The following DNAH6 variants were observed in gnomAD, a reference collection of about 807,000 sequenced individuals.
The protein encoded by DNAH6 is axonemal beta dynein heavy chain 6.
In DNAH6, 340 loss-of-function variants were observed where a neutral mutation model predicts 491.4. The observed-to-expected ratio is 0.69, with a 90% CI of 0.63 to 0.76. The LOEUF (loss-of-function observed/expected upper bound fraction) is 0.76, where lower values mean the gene tolerates loss of function less well. Ranked by LOEUF, DNAH6 falls within the 30% of genes least tolerant of loss-of-function variation. The pLI is 0.00. For missense variants in DNAH6, 4,443 were observed against 4,972.2 expected (o/e 0.89, Z 3.20); for synonymous variants, 1,603 against 1,686.1 (o/e 0.95, Z 1.21).
At position 84,733,327 on chromosome 2, in the gene DNAH6, C is replaced by A. The variant is rs1699267518; in HGVS notation, c.10207-117C>A. 6.0e-6 allele frequency: 5 copies of A among 833,106 alleles called. No individual in the cohort carries two copies. In the South Asian group the frequency reaches 9.2e-5, roughly 15 times the overall value. The allele number at this position is 833,106 out of a possible 1,614,324, so 51.6% of individuals were successfully genotyped here. On this transcript the variant is annotated intron_variant, in intron 61 of 76. Coordinates refer to ENST00000389394, the MANE Select transcript of DNAH6 (RefSeq NM_001370.2). ...TATTTCACCATATTGTACTACTTGTCCTAGGAAAATGGTTATTTTAACATA... is the reference window on the plus strand; with the variant it reads ...TATTTCACCATATTGTACTACTTGTACTAGGAAAATGGTTATTTTAACATA...
intron 60 of DNAH6, among the ~76,000 whole-genome samples, chr2:84,725,297 A>G (rs1698523889): frequency 6.6e-6 from 1 of 152,160 alleles, no homozygotes; most frequent in South Asian, 2.1e-4. Context: ...AACAGTTTCT[A>G]TTTCCAGGAA....
chr2:84,656,034 A>G (rs773077166), intron 35 of DNAH6, among the ~76,000 whole-genome samples: 7 of 152,226 alleles, frequency 4.6e-5, no homozygotes, highest in Middle Eastern at 3.4e-3. Context: ...CTAGAATGTT[A>G]TACAGTTGAA....
At chr2:84,794,206 C>T (rs1036156615) in intron 68 of DNAH6, among the ~76,000 whole-genome samples, 25 of 152,170 alleles carry the variant, frequency 1.6e-4, no homozygotes, top group African/African-American at 5.1e-4. Context: ...AAACGTTAGA[C>T]CTAAAACCAT....
chr2:84,481,526 C>A, the DNAH6 span, among the ~76,000 whole-genome samples: 235 of 152,324 alleles, frequency 1.5e-3, no homozygotes, highest in Non-Finnish European at 2.5e-3. Context: ...ATCTCTGCTT[C>A]AGCAGAGATC....
intron 64 of DNAH6, among the ~76,000 whole-genome samples, chr2:84,765,520 C>T (rs999457341): frequency 3.3e-5 from 5 of 151,934 alleles, no homozygotes; most frequent in African/African-American, 1.2e-4. Context: ...TCACTATATT[C>T]GCTTAGGAAA....
At chr2:84,629,274 G>A (rs921633741) in intron 29 of DNAH6, among the ~76,000 whole-genome samples, 4 of 152,190 alleles carry the variant, frequency 2.6e-5, no homozygotes, top group East Asian at 1.9e-4. Flanking sequence ...TATTTGGCTT[G>A]GAATATAGGA....
the DNAH6 span, among the ~76,000 whole-genome samples, chr2:84,463,073 G>C: frequency 6.6e-6 from 1 of 152,154 alleles, no homozygotes; most frequent in Non-Finnish European, 1.5e-5. Flanking sequence ...GCAGGGGAGT[G>C]GGGGAGGAGT....
chr2:84,669,429 A>G lies in DNAH6; in HGVS notation c.6225A>G (p.Thr2075=), dbSNP rs1421454457. ...AAATGCTTGTCCCCACAACTGACAC[A>G]GTGCGCTATGGGTATCTAATGGAAA... ...FFEMLVPTTD[T]VRYGYLMEKL... is the part of the protein sequence containing the mutation. The change falls in exon 38 of 77, where the codon ACA becomes ACG. Residue 2075 remains threonine (T), a synonymous_variant. Coordinates refer to ENST00000389394, the MANE Select transcript of DNAH6 (RefSeq NM_001370.2). The G allele has an allele frequency of 6.4e-7, 1 of 1,552,108 alleles. No homozygotes were observed. Among genetic ancestry groups the G allele is most frequent in the Admixed American group, 2.0e-5 (1 of 51,006 alleles).
chr2:84,693,829 G>T (rs1418199528), intron 45 of DNAH6, among the ~76,000 whole-genome samples: 3 of 151,690 alleles, frequency 2.0e-5, no homozygotes, highest in Non-Finnish European at 4.4e-5. Flanking sequence ...GTGTTCTGTT[G>T]GTCTCTCCTT....
intron 22 of DNAH6, among the ~76,000 whole-genome samples, chr2:84,615,127 G>T (rs10205087): frequency 0.14 from 20,965 of 152,070 alleles, 2,238 homozygotes; most frequent in African/African-American, 0.3. Flanking sequence ...CCAATGTCAA[G>T]AGGTGTTTTT....
At chr2:84,751,058 G>A (rs1190503061) in intron 63 of DNAH6, 1 of 152,232 alleles carries the variant, frequency 6.6e-6, no homozygotes, top group Non-Finnish European at 1.5e-5. Flanking sequence ...AAGTATGACA[G>A]TGTTGTCCCA....
At chr2:84,489,519 C>G in the DNAH6 span, among the ~76,000 whole-genome samples, 1 of 152,176 alleles carries the variant, frequency 6.6e-6, no homozygotes, top group East Asian at 1.9e-4. Flanking sequence ...TCCAAAGGCC[C>G]CAAGCGATAT....
the DNAH6 span, among the ~76,000 whole-genome samples, chr2:84,476,423 GA>G: frequency 6.6e-6 from 1 of 152,212 alleles, no homozygotes; most frequent in Non-Finnish European, 1.5e-5. Flanking sequence ...CCATTAAGGG[GA>G]GAGAAAGGAG....
intron 37 of DNAH6, among the ~76,000 whole-genome samples, chr2:84,664,447 A>G (rs1302359071): frequency 6.6e-6 from 1 of 152,204 alleles, no homozygotes; most frequent in Non-Finnish European, 1.5e-5. Context: ...AGGGGTTGCA[A>G]TCTTAGTCTC....
At chr2:84,532,282 T>A (rs966147959) in intron 4 of DNAH6, among the ~76,000 whole-genome samples, 1 of 152,150 alleles carries the variant, frequency 6.6e-6, no homozygotes, top group Non-Finnish European at 1.5e-5. Context: ...CGCTTAATAG[T>A]AATATGTAAG....
chr2:84,779,801 T>C (rs938286360), intron 64 of DNAH6, among the ~76,000 whole-genome samples: 2 of 152,158 alleles, frequency 1.3e-5, no homozygotes, highest in Non-Finnish European at 2.9e-5. Context: ...TTAGAGCTCT[T>C]TTATGAATCT....
In DNAH6 at chr2:84,557,810, T is replaced by A. The variant is rs1286260343; in HGVS notation, c.1678T>A (p.Phe560Ile). 3 of 1,613,326 alleles carry A rather than the reference T, an allele frequency of 1.9e-6. No homozygotes were observed. Among genetic ancestry groups the A allele is most frequent in the Non-Finnish European group, 2.5e-6 (3 of 1,179,518 alleles). Residue 560 changes from phenylalanine to isoleucine, a missense_variant, in exon 11 of 77, where the codon TTT becomes ATT. Around this residue, in one of 3 missense-constraint regions of DNAH6, gnomAD observed 2,977 missense variants for 3,296.6 expected, o/e 0.90. Coordinates refer to ENST00000389394, the MANE Select transcript of DNAH6 (RefSeq NM_001370.2). The stretch of plus-strand genomic sequence containing the variant: ...TCCTAATCTCGTGCCTGATTCGTAT[T>A]TTGATGCTTTCACCAGCCCTTATAT... ...SVPNLVPDSY[F>I]DAFTSPYINN...
At chr2:84,767,018 A>C (rs1675138614) in intron 64 of DNAH6, among the ~76,000 whole-genome samples, 1 of 152,164 alleles carries the variant, frequency 6.6e-6, no homozygotes, top group Admixed American at 6.5e-5. Context: ...TATCTGGGGG[A>C]ACAGAAAATT....
At chr2:84,658,584 A>C (rs1432093810) in intron 36 of DNAH6, 110 bp downstream of exon 36, 1 of 765,482 alleles carries the variant, frequency 1.3e-6, no homozygotes, top group Non-Finnish European at 1.9e-6. Flanking sequence ...TTTTTAAGTT[A>C]ATTTTTCAGG....
Sources: gnomAD v4.1 joint callset for allele counts (sites outside exome capture counted in the v4.1 genomes callset) on GRCh38, gnomAD v4.1.1 for gene constraint, gnomAD v4.1.1 regional missense constraint, MANE v1.5 for transcripts, NCBI Gene and HGNC (gene_info 2026-07-23, HGNC 2026-07-21) for gene names.